The following CCPG1 variants were observed in gnomAD, a reference collection of about 807,000 sequenced individuals.
The protein encoded by CCPG1 is cell cycle progression 1, also known as cell cycle progression protein 1.
Under a neutral mutation model 81.3 loss-of-function variants are expected in CCPG1, and 46 were observed. The observed-to-expected ratio is 0.57, with a 90% CI of 0.45 to 0.72. The LOEUF is 0.72. Among genes scored for constraint, CCPG1 ranks in the 30% least tolerant of loss-of-function variants. The pLI, the probability that CCPG1 is intolerant of heterozygous loss-of-function variation, is 0.00. For missense variants in CCPG1, 902 were observed against 937.6 expected, an observed-to-expected ratio of 0.96 and a Z score of 0.50; for synonymous variants, 330 against 305.2, an observed-to-expected ratio of 1.08 and a Z score of -0.85.
intron 1 of CCPG1, among the ~76,000 whole-genome samples, chr15:55,401,345 A>G (rs1174985346): frequency 4.6e-5 from 7 of 152,084 alleles, no homozygotes; most frequent in Non-Finnish European, 7.4e-5. Context: ...CTACAGTGCC[A>G]TTTTTCAACC....
At chr15:55,367,847 G>C (rs1322521519) in intron 6 of CCPG1, among the ~76,000 whole-genome samples, 2 of 152,040 alleles carry the variant, frequency 1.3e-5, no homozygotes, top group Non-Finnish European at 2.9e-5. Context: ...CATTCCCACT[G>C]TTATTCCAAT....
chr15:55,378,260 A>G, intron 4 of CCPG1, 40 bp downstream of exon 4: 1 of 1,178,348 alleles, frequency 8.5e-7, no homozygotes, highest in Non-Finnish European at 1.3e-6. Flanking sequence ...TTCTAAGGAT[A>G]CTATTTAACA....
chr15:55,387,537 A>T (rs1222378841), intron 2 of CCPG1, among the ~76,000 whole-genome samples: 3 of 152,058 alleles, frequency 2.0e-5, no homozygotes, highest in South Asian at 4.2e-4. Context: ...AAAAACAAAA[A>T]TTTTTTAATT....
intron 7 of CCPG1, among the ~76,000 whole-genome samples, chr15:55,362,360 TTTAAGAGAATGACACTAA>T (rs1281152382): frequency 6.6e-6 from 1 of 151,722 alleles, no homozygotes; most frequent in Non-Finnish European, 1.5e-5. Context: ...ATACAAGTCC[TTTAAGAGAATGACACTAA>T]TATACACTTG....
At chr15:55,399,174 C>G (rs527730044) in intron 1 of CCPG1, among the ~76,000 whole-genome samples, 1 of 152,142 alleles carries the variant, frequency 6.6e-6, no homozygotes, top group South Asian at 2.1e-4. Flanking sequence ...GGGGATGGTG[C>G]AAGAACTGGA....
chr15:55,403,065 T>TA (rs1412207955), intron 1 of CCPG1, among the ~76,000 whole-genome samples: 3 of 152,152 alleles, frequency 2.0e-5, no homozygotes, highest in Admixed American at 6.6e-5. Flanking sequence ...AAAAAGTATT[T>TA]ATCACATCAA....
At chr15:55,377,660 A>C (rs2056595171) in intron 4 of CCPG1, among the ~76,000 whole-genome samples, 3 of 152,252 alleles carry the variant, frequency 2.0e-5, no homozygotes, top group African/African-American at 7.2e-5. Flanking sequence ...TGACTGAGTT[A>C]TAAGGGATCC....
rs754338386 is a variant in CCPG1 at position 55,374,221 on chromosome 15, G to C, written c.455-2177C>G. 9 of 1,288,592 alleles carry C rather than the reference G, an allele frequency of 7.0e-6. No individual in the cohort carries two copies. The South Asian group carries it at 9.9e-5, about 14-fold the overall frequency. The allele number at this position is 1,288,592 out of a possible 1,614,324, so 79.8% of individuals were successfully genotyped here. ...TCATCCCATCCCCATATGCACTCAGGAATCTTCCACAGCTTCTCCCACCAC... is the reference window on the plus strand; with the variant it reads ...TCATCCCATCCCCATATGCACTCAGCAATCTTCCACAGCTTCTCCCACCAC... On this transcript the variant is annotated intron_variant, in intron 5 of 8. Coordinates refer to ENST00000442196, the MANE Select transcript of CCPG1 (RefSeq NM_001204450.2).
At chr15:55,396,076 A>G (rs1021450124) in intron 1 of CCPG1, among the ~76,000 whole-genome samples, 1 of 151,258 alleles carries the variant, frequency 6.6e-6, no homozygotes, top group Admixed American at 6.6e-5. Context: ...ATTGCTTGAA[A>G]CCAGGAGGTG....
At position 55,391,897 on chromosome 15, in the gene CCPG1, G is replaced by GC. The variant is rs1555409796; in HGVS notation, c.-9-2465_-9-2464insG. 5.4e-5 allele frequency among the ~76,000 whole-genome samples: 7 copies of GC among 130,306 alleles called. 1 individual carries two copies. The highest frequency in any genetic ancestry group is 1.1e-4 in the African/African-American group (4 of 36,464). The allele number at this position is 130,306 out of a possible 152,430, so 85.5% of individuals were successfully genotyped here. A position where few individuals can be genotyped will look rare whatever the true frequency, so the allele number is the denominator to read the frequency against. ...TAAAAAAAAAAAAAAAGGGGGGGGG[G>GC]GGCTAGGTGTGGTAGCTCACGTCTG... On this transcript the variant is annotated intron_variant, in intron 1 of 8. Transcript: ENST00000442196.
chr15:55,378,133 T>A (rs546408266), intron 4 of CCPG1, among the ~76,000 whole-genome samples, 167 bp downstream of exon 4: 1 of 152,318 alleles, frequency 6.6e-6, no homozygotes. Context: ...TTTAACACAA[T>A]ACCAATAAAA....
At chr15:55,379,944 C>CA (rs1444110067) in intron 3 of CCPG1, among the ~76,000 whole-genome samples, 1 of 151,276 alleles carries the variant, frequency 6.6e-6, no homozygotes, top group Non-Finnish European at 1.5e-5. Context: ...ACTAAAAATA[C>CA]AAAAAATTAG....
Position 55,385,581 on chromosome 15 carries a change from G to C in CCPG1, c.175+19C>G. 1 of 1,335,224 alleles carries C rather than the reference G, an allele frequency of 7.5e-7. No homozygotes were observed. Among genetic ancestry groups the C allele is most frequent in the Non-Finnish European group, 1.0e-6 (1 of 957,620 alleles). The allele number at this position is 1,335,224 out of a possible 1,614,324, so 82.7% of individuals were successfully genotyped here. ...ATATATCATATTAAAAAAAAAATTA[G>C]AATTTGTGAACAACTTACCTCCTTG... On this transcript the variant is annotated intron_variant, in intron 3 of 8. Transcript: ENST00000442196.
chr15:55,389,068 C>CAAAAAAAA (rs373917631), intron 2 of CCPG1, among the ~76,000 whole-genome samples: 10,754 of 55,942 alleles, frequency 0.19, 1,978 homozygotes, highest in Non-Finnish European at 0.28. Flanking sequence ...GACTCTGTCT[C>CAAAAAAAA]AAAAAAAAAA....
rs1460479611 is a variant in CCPG1, at chr15:55,400,443, G to A, written c.-10+7778C>T. Among the ~76,000 whole-genome samples the A allele has an allele frequency of 2.6e-5, 4 of 151,656 alleles. No individual in the cohort carries two copies. In the East Asian group the frequency reaches 7.8e-4, roughly 30 times the overall value. ...GAATCGCTTGAGCCCAGGAGGTGGGGGTTGCAGTGAGCCGAGATCACACCA... is the reference window on the plus strand; with the variant it reads ...GAATCGCTTGAGCCCAGGAGGTGGGAGTTGCAGTGAGCCGAGATCACACCA... On this transcript the variant is annotated intron_variant, in intron 1 of 8. Coordinates refer to ENST00000442196, the MANE Select transcript of CCPG1 (RefSeq NM_001204450.2).
At position 55,360,949 on chromosome 15, in the gene CCPG1, ATT is replaced by A. The variant is rs144978590; in HGVS notation, c.829-7_829-6del. On this transcript the variant is annotated splice_polypyrimidine_tract_variant and splice_region_variant and intron_variant, in intron 7 of 8. Coordinates refer to ENST00000442196, the MANE Select transcript of CCPG1 (RefSeq NM_001204450.2). ...TGCAAGATTTTCTTTCAATGACTAC[ATT>A]TTTTTTTGAAAGAGAAGAAATAAAA... 6.8e-7 allele frequency: 1 copy of A among 1,480,530 alleles called. No individual in the cohort carries two copies. Among genetic ancestry groups the A allele is most frequent in the Non-Finnish European group, 9.0e-7 (1 of 1,109,266 alleles). 91.7% of individuals were successfully genotyped at this position (1,480,530 alleles called of 1,614,324 possible).
chr15:55,401,714 G>A (rs912331869), intron 1 of CCPG1, among the ~76,000 whole-genome samples: 11 of 150,522 alleles, frequency 7.3e-5, no homozygotes, highest in African/African-American at 2.7e-4. Context: ...AGGCAAAGAT[G>A]AAAGAGACTG....
intron 3 of CCPG1, among the ~76,000 whole-genome samples, chr15:55,382,532 C>T (rs1010694545): frequency 1.4e-5 from 2 of 143,966 alleles, no homozygotes; most frequent in East Asian, 2.1e-4. Context: ...TTTTTTGAGA[C>T]AGAGTCTCGC....
chr15:55,401,623 G>T (rs939722011), intron 1 of CCPG1, among the ~76,000 whole-genome samples: 2 of 149,164 alleles, frequency 1.3e-5, no homozygotes, highest in Non-Finnish European at 3.0e-5. Context: ...CCGAGACCAC[G>T]CCATTTCACT....
Sources: allele counts gnomAD v4.1 joint callset (sites outside exome capture counted in the v4.1 genomes callset), GRCh38; gene constraint gnomAD v4.1.1; transcripts MANE v1.5; gene names NCBI Gene and HGNC (gene_info 2026-07-23, HGNC 2026-07-21).